The following CAPN11 variants were observed in gnomAD, a reference collection of about 807,000 sequenced individuals.
CAPN11 encodes calpain-11.
Under a neutral mutation model 105.3 loss-of-function variants are expected in CAPN11, and 108 were observed. The ratio of observed to expected loss-of-function variants is 1.03; its 90% CI spans 0.88 to 1.20. The LOEUF (loss-of-function observed/expected upper bound fraction) is 1.20. Ranked by LOEUF, CAPN11 falls within the 50% of genes most tolerant of loss-of-function variation. The probability of loss-of-function intolerance (pLI) is 0.00; values close to 1 mark genes in which losing one functional copy is unlikely to be tolerated. For synonymous variants in CAPN11, 329 were observed against 344.5 expected (o/e 0.96, Z 0.50); for missense variants, 883 against 924.8 (o/e 0.95, Z 0.59).
rs879048633 is a variant in CAPN11, at chr6:44,181,459, A to ACT, written c.1938+140_1938+141insTC. The ACT allele has an allele frequency of 9.3e-6, 5 of 536,106 alleles. 1 individual carries two copies. Among genetic ancestry groups the ACT allele is most frequent in the African/African-American group, 4.9e-5 (2 of 40,700 alleles). 33.2% of individuals were successfully genotyped at this position (536,106 alleles called of 1,614,324 possible). On this transcript the variant is annotated intron_variant, in intron 19 of 22. Transcript: ENST00000398776. ...CCAACCACACCACACTCACACACACACACACACACTCACATACAGACACAA... is the reference window on the plus strand; with the variant it reads ...CCAACCACACCACACTCACACACACACTCACACACACTCACATACAGACACAA...
Position 44,181,284 on chromosome 6 carries a change from G to A in CAPN11, c.1902G>A (p.Glu634=). 1 of 1,613,544 alleles carries A rather than the reference G, an allele frequency of 6.2e-7. No homozygotes were observed. The change falls in exon 19 of 23, where the codon GAG becomes GAA. Residue 634 remains glutamate, a synonymous_variant. Transcript: ENST00000398776. The part of the protein sequence containing the change: ...KDGSGKLGLL[E]FKILWKKLKK... Reference sequence around the variant, plus strand: ...GCTCTGGCAAGCTGGGGCTTCTAGAGTTCAAGATCCTGTGGAAAAAACTCA... The same window carrying A: ...GCTCTGGCAAGCTGGGGCTTCTAGAATTCAAGATCCTGTGGAAAAAACTCA...
Position 44,176,833 on chromosome 6 carries a change from C to G in CAPN11, c.1077-5C>G. On this transcript the variant is annotated splice_polypyrimidine_tract_variant and splice_region_variant and intron_variant, in intron 10 of 22. Coordinates refer to ENST00000398776, the MANE Select transcript of CAPN11 (RefSeq NM_007058.4). ...CTGACGGGCTCCACCCCCACCCCAC[C>G]ACAGGATGTCCTACCAAGATTTCCT... The G allele has an allele frequency of 6.2e-7, 1 of 1,613,696 alleles. No individual in the cohort carries two copies. Among genetic ancestry groups the G allele is most frequent in the Non-Finnish European group, 8.5e-7 (1 of 1,179,736 alleles).
Position 44,181,306 on chromosome 6 carries a change from C to T in CAPN11, c.1924C>T (p.Leu642Phe). Residue 642 changes from leucine (L) to phenylalanine (F), a missense_variant, in exon 19 of 23, where the codon CTC becomes TTC. Physicochemically the swap from Leu to Phe is conservative, Grantham distance 22. Coordinates refer to ENST00000398776, the MANE Select transcript of CAPN11 (RefSeq NM_007058.4). ...AGAGTTCAAGATCCTGTGGAAAAAA[C>T]TCAAGAAATGGATGGTAAAGGGCAC... ...LLEFKILWKK[L>F]KKWMDIFREC... 6.2e-7 allele frequency: 1 copy of T among 1,611,366 alleles called. No individual in the cohort carries two copies.
rs1198425650 is a variant in CAPN11 at position 44,177,285 on chromosome 6, G to A, written c.1281G>A (p.Glu427=). ...TNPQFKISLP[E]GDDPEDDAEG... The stretch of plus-strand genomic sequence containing the variant: ...CCCAGTTTAAGATCTCTCTTCCTGA[G>A]GGGGATGACCCAGAGGATGACGCAG... The change falls in exon 12 of 23, where the codon GAG becomes GAA. Residue 427 remains glutamate (E), a synonymous_variant. Transcript: ENST00000398776. The A allele has an allele frequency of 3.7e-6, 6 of 1,611,460 alleles. No homozygotes were observed. The African/African-American group carries it at 4.0e-5, about 11-fold the overall frequency.
rs1223533913 is a variant in CAPN11 at position 44,169,381 on chromosome 6, C to T, written c.189C>T (p.Asn63=). ...ACGACAACGCCCAGAACTTTGGTAA[C>T]CAGAGCTTTGAGGAGCTGCGAGCAG... The part of the protein sequence containing the change: ...GQHDNAQNFG[N]QSFEELRAAC... The change falls in exon 3 of 23, where the codon AAC becomes AAT. Residue 63 remains asparagine (N), a synonymous_variant. Transcript: ENST00000398776. 1.2e-6 allele frequency: 2 copies of T among 1,613,902 alleles called. No homozygotes were observed. Among genetic ancestry groups the T allele is most frequent in the Admixed American group, 1.7e-5 (1 of 60,008 alleles).
rs1772069349 is a variant in CAPN11 at position 44,176,591 on chromosome 6, T to C, written c.1012T>C (p.Trp338Arg). The part of the protein sequence containing the change: ...NGAWSDSARE[W>R]EEVASDIQMQ... ...CCATCTCTGCTCCAGTGCCAGGGAG[T>C]GGGAAGAGGTGGCCTCAGACATCCA... Residue 338 changes from tryptophan (W) to arginine (R), a missense_variant, in exon 10 of 23, where the codon TGG becomes CGG. Trp to Arg is a moderately radical substitution (Grantham distance 101). Transcript: ENST00000398776. 1.2e-6 allele frequency: 2 copies of C among 1,610,764 alleles called. No individual in the cohort carries two copies. The highest frequency in any genetic ancestry group is 2.2e-5 in the East Asian group (1 of 44,756).
At chr6:44,163,101 G>T (rs1207567725) in intron 1 of CAPN11, among the ~76,000 whole-genome samples, 1 of 152,140 alleles carries the variant, frequency 6.6e-6, no homozygotes, top group Non-Finnish European at 1.5e-5. Context: ...CTAAACTCCA[G>T]TCTTTTTCAC....
intron 7 of CAPN11, 84 bp from the exon 8 acceptor site, chr6:44,175,984 G>A: frequency 2.5e-6 from 2 of 789,578 alleles, no homozygotes; most frequent in East Asian, 2.7e-5. Flanking sequence ...AACCTGGAGA[G>A]CTCGCCCCTT....
intron 10 of CAPN11, 32 bp downstream of exon 10, chr6:44,176,687 C>T (rs199753273): frequency 5.7e-6 from 9 of 1,566,258 alleles, no homozygotes; most frequent in South Asian, 1.2e-5. Context: ...CTTCTTACCA[C>T]CACCCTAGGC....
At chr6:44,179,407 T>G (rs1772749864) in intron 12 of CAPN11, among the ~76,000 whole-genome samples, 1 of 151,370 alleles carries the variant, frequency 6.6e-6, no homozygotes, top group Non-Finnish European at 1.5e-5. Context: ...CAAGCAATCC[T>G]CCCACCTCTG....
intron 5 of CAPN11, 127 bp from the exon 6 acceptor site, chr6:44,172,813 C>A: frequency 8.8e-7 from 1 of 1,137,698 alleles, no homozygotes; most frequent in Middle Eastern, 2.0e-4. Flanking sequence ...TTTGGGTTGC[C>A]TTTCCCTCTC....
At chr6:44,181,422 AC>A in intron 19 of CAPN11, 102 bp downstream of exon 19, 2 of 766,286 alleles carry the variant, frequency 2.6e-6, no homozygotes, top group Non-Finnish European at 2.1e-6. Context: ...CTAACCACAC[AC>A]ACACACACAC....
chr6:44,181,410 C>G, intron 19 of CAPN11, 90 bp downstream of exon 19: 1 of 984,632 alleles, frequency 1.0e-6, no homozygotes, highest in Non-Finnish European at 1.5e-6. Context: ...AGAACCCAAG[C>G]CCTAACCACA....
intron 5 of CAPN11, 41 bp downstream of exon 5, chr6:44,172,461 C>A: frequency 8.1e-7 from 1 of 1,229,798 alleles, no homozygotes; most frequent in Non-Finnish European, 1.2e-6. Flanking sequence ...TTGTTGGGGG[C>A]GGGGGAAGAA....
chr6:44,183,822 CA>C, intron 22 of CAPN11, 59 bp downstream of exon 22: 1 of 1,579,532 alleles, frequency 6.3e-7, no homozygotes, highest in Non-Finnish European at 8.6e-7. Context: ...CCCTCAACCC[CA>C]CCCCCACCCA....
At chr6:44,170,257 T>TA (rs112041420) in intron 4 of CAPN11, among the ~76,000 whole-genome samples, 11 of 151,144 alleles carry the variant, frequency 7.3e-5, no homozygotes, top group Admixed American at 3.3e-4. Context: ...CTTAGCAACT[T>TA]AAAAAAAAAA....
chr6:44,172,270 C>T, intron 4 of CAPN11, 32 bp from the exon 5 acceptor site: 1 of 1,465,780 alleles, frequency 6.8e-7, no homozygotes, highest in Non-Finnish European at 9.3e-7. Flanking sequence ...TGGGGTTGCT[C>T]AGGGGTGGCA....
At chr6:44,168,686 G>C (rs1189325002) in intron 2 of CAPN11, among the ~76,000 whole-genome samples, 1 of 151,172 alleles carries the variant, frequency 6.6e-6, no homozygotes, top group Non-Finnish European at 1.5e-5. Flanking sequence ...GCAGTGGCAT[G>C]ATCTCAGCTC....
rs1347785455 is a variant in CAPN11 at position 44,180,835 on chromosome 6, C to A, written c.1804+30C>A. 4 of 1,611,078 alleles carry A rather than the reference C, an allele frequency of 2.5e-6. No homozygotes were observed. In the South Asian group the frequency reaches 3.3e-5, roughly 13 times the overall value. ...GTCTTCCACTCCTGCTGCACACGAC[C>A]CCTCCCCCATATTTTGTGCCCCTCT... On this transcript the variant is annotated intron_variant, in intron 17 of 22. Coordinates refer to ENST00000398776, the MANE Select transcript of CAPN11 (RefSeq NM_007058.4).
Sources: gnomAD v4.1 joint callset for allele counts (sites outside exome capture counted in the v4.1 genomes callset) on GRCh38, gnomAD v4.1.1 for gene constraint, MANE v1.5 for transcripts, NCBI Gene and HGNC (gene_info 2026-07-23, HGNC 2026-07-21) for gene names.